The following DAB1 variants were observed in gnomAD, a reference collection of about 807,000 sequenced individuals.
DAB1 encodes disabled homolog 1.
A neutral mutation model predicts 64.6 loss-of-function variants in DAB1; 15 were observed. The ratio of observed to expected loss-of-function variants is 0.23; its 90% CI spans 0.16 to 0.36. The LOEUF (loss-of-function observed/expected upper bound fraction) is 0.36, where lower values mean the gene tolerates loss of function less well. Among genes scored for constraint, DAB1 ranks in the 10% least tolerant of loss-of-function variants. The pLI is 1.00. For missense variants in DAB1, 596 were observed against 706.7 expected (o/e 0.84, Z 1.78); for synonymous variants, 235 against 251.9 (o/e 0.93, Z 0.64).
intron 1 of DAB1, among the ~76,000 whole-genome samples, chr1:57,865,481 A>C (rs1169722928): frequency 6.6e-6 from 1 of 152,006 alleles, no homozygotes; most frequent in African/African-American, 2.4e-5. Context: ...CCCAACTTCA[A>C]ATCATGCCAT....
intron 14 of DAB1, among the ~76,000 whole-genome samples, chr1:57,010,303 A>T (rs1452928499): frequency 2.0e-5 from 3 of 152,168 alleles, no homozygotes; most frequent in South Asian, 2.1e-4. Context: ...AGCATGGACC[A>T]TGCCTCATTC....
At chr1:57,531,064 G>T (rs140960952) in intron 7 of DAB1, among the ~76,000 whole-genome samples, 89 of 152,196 alleles carry the variant, frequency 5.8e-4, no homozygotes, top group African/African-American at 1.8e-3. Flanking sequence ...TCAAGCCTCC[G>T]AGCCCAAGCT....
Position 57,657,849 on chromosome 1 carries a change from T to C in DAB1, n.552-8184A>G, listed in dbSNP as rs572598433. Among the ~76,000 whole-genome samples the C allele has an allele frequency of 7.0e-4, 106 of 152,308 alleles. 3 individuals carry two copies. The South Asian group carries it at 0.022, about 31-fold the overall frequency. ...ATATGAATAACTGAAAAAAGTTGTCTCTGGTTGGGTTCTGCTGATTACATC... is the reference window on the plus strand; with the variant it reads ...ATATGAATAACTGAAAAAAGTTGTCCCTGGTTGGGTTCTGCTGATTACATC... On this transcript the variant is annotated intron_variant and non_coding_transcript_variant, in intron 6 of 20. Transcript: ENST00000485760.
At position 57,989,846 on chromosome 1, in the gene DAB1, T is replaced by C. The variant is rs1013523214; in HGVS notation, n.388-105684A>G. Among the ~76,000 whole-genome samples the C allele has an allele frequency of 2.0e-4, 30 of 152,194 alleles. 1 individual carries two copies. Among genetic ancestry groups the C allele is most frequent in the African/African-American group, 6.5e-4 (27 of 41,444 alleles). On this transcript the variant is annotated intron_variant and non_coding_transcript_variant, in intron 5 of 20. Coordinates refer to the DAB1 transcript ENST00000485760. ...CCTCAAGAACATGACCCCAGCTCAT[T>C]TGAATGAAAATATGTTTGCCATTAC... is the stretch of plus-strand genomic sequence containing the variant.
chr1:57,964,474 T>C (rs1185925552), intron 5 of DAB1, among the ~76,000 whole-genome samples: 2 of 152,216 alleles, frequency 1.3e-5, no homozygotes, highest in Non-Finnish European at 2.9e-5. Flanking sequence ...AGTGACTTGC[T>C]CAAAATTACC....
At chr1:57,085,027 C>T (rs993983263) in intron 4 of DAB1, among the ~76,000 whole-genome samples, 4 of 152,134 alleles carry the variant, frequency 2.6e-5, no homozygotes, top group Non-Finnish European at 4.4e-5. Flanking sequence ...CACCAAACAC[C>T]GTTCTGTAGC....
At chr1:57,530,794 G>A (rs887339364) in intron 7 of DAB1, among the ~76,000 whole-genome samples, 19 of 152,250 alleles carry the variant, frequency 1.2e-4, no homozygotes, top group Admixed American at 1.1e-3. Flanking sequence ...AATGTTTAGT[G>A]TGCTGCAATC....
rs575589551 is a variant in DAB1 at position 57,668,594 on chromosome 1, A to G, written n.552-18929T>C. Among the ~76,000 whole-genome samples the G allele has an allele frequency of 2.0e-5, 3 of 152,218 alleles. No homozygotes were observed. In the South Asian group the frequency reaches 6.2e-4, roughly 32 times the overall value. ...AATATGGTGGCCAAAGCATTCCCCA[A>G]CCAAAGGACAGCACCACAACCTAAA... On this transcript the variant is annotated intron_variant and non_coding_transcript_variant, in intron 6 of 20. Transcript: ENST00000485760.
Position 57,252,664 on chromosome 1 carries a change from G to A in DAB1, c.67+38300C>T, listed in dbSNP as rs72674814. ...TGCTGTGATCAGTAATACAACAGAT[G>A]TAAAATAAATATAGATGATTTGGTC... On this transcript the variant is annotated intron_variant, in intron 2 of 14. Transcript: ENST00000371236. 9.8e-3 allele frequency among the ~76,000 whole-genome samples: 1,499 copies of A among 152,308 alleles called. 15 individuals carry two copies. The highest frequency in any genetic ancestry group is 0.024 in the Admixed American group (373 of 15,290).
chr1:58,067,211 C>T (rs1484559107), intron 5 of DAB1, among the ~76,000 whole-genome samples: 1 of 152,176 alleles, frequency 6.6e-6, no homozygotes, highest in Non-Finnish European at 1.5e-5. Flanking sequence ...TGGTGTAATT[C>T]ATTGTTTAAT....
intron 1 of DAB1, among the ~76,000 whole-genome samples, chr1:58,536,224 C>A (rs1024457476): frequency 1.3e-5 from 2 of 152,012 alleles, no homozygotes; most frequent in Non-Finnish European, 2.9e-5. Context: ...AGGGCCTGAT[C>A]CAGTCACCCT....
Position 57,680,380 on chromosome 1 carries a change from C to G in DAB1, n.552-30715G>C, listed in dbSNP as rs1646622494. Among the ~76,000 whole-genome samples the G allele has an allele frequency of 2.0e-5, 3 of 152,238 alleles. No homozygotes were observed. The South Asian group carries it at 6.2e-4, about 31-fold the overall frequency. Reference sequence around the variant, plus strand: ...TCTCACAGTTCTATGGTTCAGAAGTCTGACACAGGTCTCACTGGGCTAAAA... The same window carrying G: ...TCTCACAGTTCTATGGTTCAGAAGTGTGACACAGGTCTCACTGGGCTAAAA... On this transcript the variant is annotated intron_variant and non_coding_transcript_variant, in intron 6 of 20. Transcript: ENST00000485760.
chr1:57,872,914 G>A (rs1010438827), intron 1 of DAB1, among the ~76,000 whole-genome samples: 8 of 152,182 alleles, frequency 5.3e-5, no homozygotes, highest in Non-Finnish European at 1.0e-4. Flanking sequence ...TGGTGTGATT[G>A]GGCCTGGATA....
intron 4 of DAB1, among the ~76,000 whole-genome samples, chr1:58,291,754 G>A (rs569632858): frequency 6.6e-6 from 1 of 152,270 alleles, no homozygotes; most frequent in South Asian, 2.1e-4. Flanking sequence ...GGGAGACATA[G>A]AGACGTTAAC....
At chr1:57,411,067 C>T (rs189663291) in intron 1 of DAB1, among the ~76,000 whole-genome samples, 7 of 152,240 alleles carry the variant, frequency 4.6e-5, no homozygotes, top group Non-Finnish European at 7.3e-5. Context: ...AGATTAATGG[C>T]ACAAGGGATA....
At chr1:57,073,738 A>G (rs773805462) in intron 4 of DAB1, among the ~76,000 whole-genome samples, 1 of 152,146 alleles carries the variant, frequency 6.6e-6, no homozygotes, top group Non-Finnish European at 1.5e-5. Context: ...AAAGCCCTAG[A>G]TCCTTAGGGG....
upstream of DAB1, among the ~76,000 whole-genome samples, chr1:57,886,117 A>G (rs1199972432): frequency 6.6e-6 from 1 of 151,984 alleles, no homozygotes; most frequent in Non-Finnish European, 1.5e-5. Context: ...GTCTACATCA[A>G]ATGCCACCAA....
intron 4 of DAB1, among the ~76,000 whole-genome samples, chr1:58,180,276 C>CTTTTTTTT (rs1557684483): frequency 1.9e-5 from 1 of 53,144 alleles, no homozygotes; most frequent in Non-Finnish European, 3.6e-5. Context: ...TCTTTTTTTT[C>CTTTTTTTT]TTTTCTTTTT....
At chr1:58,322,723 A>G (rs909972300) in intron 4 of DAB1, among the ~76,000 whole-genome samples, 1 of 152,220 alleles carries the variant, frequency 6.6e-6, no homozygotes. Flanking sequence ...CATTTGACCC[A>G]GTGATCCCAT....
Sources: gnomAD v4.1 joint callset for allele counts (sites outside exome capture counted in the v4.1 genomes callset) on GRCh38, gnomAD v4.1.1 for gene constraint, MANE v1.5 for transcripts, NCBI Gene and HGNC (gene_info 2026-07-23, HGNC 2026-07-21) for gene names.